KCNC2: variants seen among roughly 807,000 people sequenced by gnomAD.
KCNC2 encodes the protein potassium voltage-gated channel subfamily C member 2.
Under a neutral mutation model 44.5 loss-of-function variants are expected in KCNC2, and 21 were observed. That is an observed-to-expected ratio of 0.47 (90% CI 0.33 to 0.68). The LOEUF (loss-of-function observed/expected upper bound fraction) is 0.68, where lower values mean the gene tolerates loss of function less well. Ranked by LOEUF, KCNC2 falls within the 30% of genes least tolerant of loss-of-function variation. The pLI, the probability that KCNC2 is intolerant of heterozygous loss-of-function variation, is 0.01. For synonymous variants in KCNC2, 391 were observed against 339.1 expected (o/e 1.15, Z -1.68); for missense variants, 589 against 826.2 (o/e 0.71, Z 3.52).
intron 2 of KCNC2, among the ~76,000 whole-genome samples, chr12:75,074,131 G>A (rs998565756): frequency 6.6e-5 from 10 of 151,144 alleles, no homozygotes; most frequent in Non-Finnish European, 1.5e-4. Flanking sequence ...TTAAGAGCAT[G>A]TTAAGTAAAA....
In KCNC2 at chr12:75,181,758, T is replaced by C. The variant is rs1051092687; in HGVS notation, c.687+25539A>G. Reference sequence around the variant, plus strand: ...CCTCAACAGATCTCAATTTCTTCATTTATAAAATGAGGATCACTGTGCCAA... The same window carrying C: ...CCTCAACAGATCTCAATTTCTTCATCTATAAAATGAGGATCACTGTGCCAA... On this transcript the variant is annotated intron_variant, in intron 2 of 4. Coordinates refer to ENST00000549446, the MANE Select transcript of KCNC2 (RefSeq NM_139137.4). Among the ~76,000 whole-genome samples the C allele has an allele frequency of 5.9e-4, 90 of 152,152 alleles. 1 individual carries two copies. The highest frequency in any genetic ancestry group is 2.2e-3 in the African/African-American group (90 of 41,512).
chr12:75,207,600 G>A lies in KCNC2; in HGVS notation c.384C>T (p.Asp128=). ...CCTCCTCGAAGAGCGGCCCGCACAC[G>A]TCTGCGGGGCAGTGCAGCTTGCCGG... ...YRTGKLHCPA[D]VCGPLFEEEL... The change falls in exon 2 of 5, where the codon GAC becomes GAT. Residue 128 remains aspartate (D), a synonymous_variant. Coordinates refer to ENST00000549446, the MANE Select transcript of KCNC2 (RefSeq NM_139137.4). The surrounding 1 kb of genome is among the most constrained non-coding windows in gnomAD (Gnocchi z 4.1). 2 of 1,612,042 alleles carry A rather than the reference G, an allele frequency of 1.2e-6. No homozygotes were observed. The highest frequency in any genetic ancestry group is 1.7e-5 in the Admixed American group (1 of 60,028).
Position 75,071,937 on chromosome 12 carries a change from CAAAAAA to C in KCNC2, c.688-20626_688-20621del, listed in dbSNP as rs751849483. ...TGGGCGACAGAGCGAGACTCCTTCT[CAAAAAA>C]AAAAAAAAAAAAAAAAAAAAAGAGT... On this transcript the variant is annotated intron_variant, in intron 2 of 4. Transcript: ENST00000549446. Among the ~76,000 whole-genome samples, 366 of 67,296 alleles carry C rather than the reference CAAAAAA, an allele frequency of 5.4e-3. 2 individuals carry two copies. The highest frequency in any genetic ancestry group is 0.027 in the African/African-American group (330 of 12,314). 44.1% of individuals were successfully genotyped at this position (67,296 alleles called of 152,430 possible).
chr12:75,095,555 A>C (rs1885852515), intron 2 of KCNC2, among the ~76,000 whole-genome samples: 1 of 151,754 alleles, frequency 6.6e-6, no homozygotes, highest in Admixed American at 6.6e-5. Context: ...CAGTTTAATG[A>C]TTTGGGTATA....
intron 2 of KCNC2, among the ~76,000 whole-genome samples, chr12:75,144,370 C>A (rs574478761): frequency 6.6e-6 from 1 of 152,112 alleles, no homozygotes; most frequent in Non-Finnish European, 1.5e-5. Flanking sequence ...AGAGTGTTGT[C>A]CCACTAGTAC....
rs77167049 is a variant in KCNC2, at chr12:75,048,017, T to A, written c.1780+136A>T. ...TTAACAAGTTTCTAAGGAGAGAAGA[T>A]GTAATGAAGAGAGGAAAAGAGCACT... On this transcript the variant is annotated intron_variant, in intron 4 of 4. Coordinates refer to ENST00000549446, the MANE Select transcript of KCNC2 (RefSeq NM_139137.4). 2.8e-3 allele frequency: 2,016 copies of A among 712,130 alleles called. 28 individuals carry two copies. The African/African-American group carries it at 0.033, about 12-fold the overall frequency. 44.1% of individuals were successfully genotyped at this position (712,130 alleles called of 1,614,324 possible).
chr12:75,140,588 T>C (rs1455100079), intron 2 of KCNC2, among the ~76,000 whole-genome samples: 2 of 152,126 alleles, frequency 1.3e-5, no homozygotes, highest in Non-Finnish European at 2.9e-5. Context: ...CGTTAAAAAA[T>C]ATCCTTCAAG....
chr12:75,141,918 C>T (rs1889682668), intron 2 of KCNC2, among the ~76,000 whole-genome samples: 1 of 152,112 alleles, frequency 6.6e-6, no homozygotes, highest in Admixed American at 6.5e-5. Context: ...TTATTTCTTT[C>T]ATCCTCACAA....
intron 2 of KCNC2, among the ~76,000 whole-genome samples, chr12:75,110,217 A>G (rs1887121425): frequency 6.6e-6 from 1 of 152,166 alleles, no homozygotes; most frequent in Non-Finnish European, 1.5e-5. Context: ...TAAGGGGGAA[A>G]AAAAACCAAC....
At chr12:75,180,878 G>C (rs1892525136) in intron 2 of KCNC2, among the ~76,000 whole-genome samples, 1 of 151,906 alleles carries the variant, frequency 6.6e-6, no homozygotes, top group South Asian at 2.1e-4. Flanking sequence ...GTAATTTTTG[G>C]TAACTTTCAA....
intron 2 of KCNC2, among the ~76,000 whole-genome samples, chr12:75,088,177 C>A (rs1275186712): frequency 6.6e-6 from 1 of 151,990 alleles, no homozygotes; most frequent in Non-Finnish European, 1.5e-5. Context: ...TGAGGCAATG[C>A]ACAGAAGTAT....
chr12:75,208,140 G>C, intron 1 of KCNC2, 138 bp from the exon 2 acceptor site: 2 of 941,354 alleles, frequency 2.1e-6, no homozygotes. Flanking sequence ...TCCCCGGGAG[G>C]GGATCAGCGT....
chr12:75,079,649 A>G (rs1884303128), intron 2 of KCNC2, among the ~76,000 whole-genome samples: 1 of 152,140 alleles, frequency 6.6e-6, no homozygotes, highest in South Asian at 2.1e-4. Context: ...ACAAAAGGCC[A>G]GAATTCTAAG....
At chr12:75,147,024 A>G (rs1890072364) in intron 2 of KCNC2, among the ~76,000 whole-genome samples, 1 of 152,206 alleles carries the variant, frequency 6.6e-6, no homozygotes, top group South Asian at 2.1e-4. Context: ...CTTAGAAAAT[A>G]CAGGAGAATC....
intron 2 of KCNC2, among the ~76,000 whole-genome samples, chr12:75,200,604 C>A (rs191692819): frequency 4.0e-4 from 60 of 151,722 alleles, no homozygotes; most frequent in African/African-American, 1.4e-3. Flanking sequence ...AATATATATT[C>A]TTTTTATGTA....
intron 2 of KCNC2, among the ~76,000 whole-genome samples, chr12:75,149,915 C>T (rs1050096952): frequency 6.6e-6 from 1 of 151,804 alleles, no homozygotes; most frequent in African/African-American, 2.4e-5. Context: ...TTTCATTCAA[C>T]CAACAGAGTC....
intron 2 of KCNC2, among the ~76,000 whole-genome samples, chr12:75,067,435 T>C (rs1241354766): frequency 6.6e-5 from 10 of 152,130 alleles, no homozygotes; most frequent in Admixed American, 6.6e-4. Context: ...CCAACACTTA[T>C]TGAATACCCA....
chr12:75,092,401 C>T (rs1210918618), intron 2 of KCNC2, among the ~76,000 whole-genome samples: 2 of 151,536 alleles, frequency 1.3e-5, no homozygotes, highest in Non-Finnish European at 3.0e-5. Context: ...AATTAAATAG[C>T]AAAATAGACT....
intron 2 of KCNC2, among the ~76,000 whole-genome samples, chr12:75,093,852 G>A (rs1203636054): frequency 6.6e-6 from 1 of 151,642 alleles, no homozygotes; most frequent in Admixed American, 6.6e-5. Context: ...CTGAGGTAAC[G>A]TGAGACTGTT....
Sources: gnomAD v4.1 joint callset for allele counts (sites outside exome capture counted in the v4.1 genomes callset) on GRCh38, gnomAD v4.1.1 for gene constraint, Gnocchi (gnomAD v3.1) non-coding constraint, MANE v1.5 for transcripts, NCBI Gene and HGNC (gene_info 2026-07-23, HGNC 2026-07-21) for gene names.